DST: variants seen among roughly 807,000 people sequenced by gnomAD.
DST encodes the protein dystonin.
A neutral mutation model predicts 875.2 loss-of-function variants in DST; 253 were observed. The ratio of observed to expected loss-of-function variants is 0.29; its 90% CI spans 0.26 to 0.32. DST has a LOEUF of 0.32. Among genes scored for constraint, DST ranks in the 10% least tolerant of loss-of-function variants. The pLI, the probability that DST is intolerant of heterozygous loss-of-function variation, is 1.00. For synonymous variants in DST, 3,124 were observed against 3,197.1 expected (o/e 0.98, Z 0.77); for missense variants, 8,287 against 9,111.6 (o/e 0.91, Z 3.68).
chr6:56,550,133 C>T (rs1191302303), intron 61 of DST, among the ~76,000 whole-genome samples: 1 of 152,170 alleles, frequency 6.6e-6, no homozygotes, highest in African/African-American at 2.4e-5. Context: ...CACACATACA[C>T]AGATAAATGG....
At chr6:56,556,740 A>G (rs192590606) in intron 59 of DST, among the ~76,000 whole-genome samples, 68 of 152,176 alleles carry the variant, frequency 4.5e-4, no homozygotes, top group Admixed American at 1.0e-3. Context: ...TAAAAATAAA[A>G]CTCATTTTTT....
chr6:56,874,140 A>G (rs1373264068), intron 3 of DST, among the ~76,000 whole-genome samples: 1 of 152,130 alleles, frequency 6.6e-6, no homozygotes, highest in Non-Finnish European at 1.5e-5. Flanking sequence ...CAAAAAAACC[A>G]TGTACCCCAT....
chr6:56,761,127 G>C (rs796563952), intron 4 of DST, among the ~76,000 whole-genome samples: 5 of 152,318 alleles, frequency 3.3e-5, no homozygotes, highest in African/African-American at 1.2e-4. Flanking sequence ...CAGCACTGTG[G>C]AGAGGCCCAC....
At chr6:56,569,118 C>T (rs1447481782) in intron 54 of DST, among the ~76,000 whole-genome samples, 2 of 151,838 alleles carry the variant, frequency 1.3e-5, no homozygotes, top group African/African-American at 2.4e-5. Flanking sequence ...GTCAGGAGAT[C>T]GAGACCATCC....
intron 4 of DST, among the ~76,000 whole-genome samples, chr6:56,804,680 T>C (rs139630575): frequency 3.9e-5 from 6 of 152,038 alleles, no homozygotes; most frequent in African/African-American, 1.5e-4. Flanking sequence ...ATAACTGTAT[T>C]AAGCCAAACT....
intron 9 of DST, among the ~76,000 whole-genome samples, chr6:56,678,452 A>AT (rs2099141141): frequency 6.6e-6 from 1 of 152,214 alleles, no homozygotes; most frequent in East Asian, 1.9e-4. Context: ...AAGAAACATA[A>AT]TTTTTTCTTC....
chr6:56,924,289 T>G (rs1456519494), intron 2 of DST, among the ~76,000 whole-genome samples: 1 of 152,204 alleles, frequency 6.6e-6, no homozygotes, highest in East Asian at 1.9e-4. Context: ...AACGCAGAGT[T>G]GGAACGATAA....
At chr6:56,750,975 G>A (rs114969478) in intron 4 of DST, among the ~76,000 whole-genome samples, 2,217 of 152,120 alleles carry the variant, frequency 0.015, 47 homozygotes, top group African/African-American at 0.051. Context: ...GATGGTTATT[G>A]TTCCTCTGTT....
At chr6:56,561,283 C>T in intron 57 of DST, 25 bp downstream of exon 57, 2 of 1,587,458 alleles carry the variant, frequency 1.3e-6, no homozygotes, top group Non-Finnish European at 1.7e-6. Flanking sequence ...TTCATGTCTT[C>T]CATAGGTGCA....
intron 3 of DST, among the ~76,000 whole-genome samples, chr6:56,873,352 C>G (rs1562250864): frequency 6.6e-6 from 1 of 152,152 alleles, no homozygotes; most frequent in Non-Finnish European, 1.5e-5. Context: ...TGTGATCCCA[C>G]TTGTCAATTT....
chr6:56,615,813 C>T, intron 36 of DST: 1 of 1,614,078 alleles, frequency 6.2e-7, no homozygotes, highest in Non-Finnish European at 8.5e-7. Context: ...CATCGGATTC[C>T]CATTTCCTTA....
rs970996412 is a variant in DST at position 56,620,283 on chromosome 6, T to C, written c.4929+4247A>G. 1 of 1,614,064 alleles carries C rather than the reference T, an allele frequency of 6.2e-7. No individual in the cohort carries two copies. Among genetic ancestry groups the C allele is most frequent in the Non-Finnish European group, 8.5e-7 (1 of 1,180,048 alleles). ...TTTCTTTTAAGATGATCTTCCAGTG[T>C]TCGTCTGGTAAAGGTGTTTTCCTCC... On this transcript the variant is annotated intron_variant, in intron 36 of 103. Transcript: ENST00000680361.
At chr6:56,943,160 C>G (rs1048826817) in intron 2 of DST, among the ~76,000 whole-genome samples, 2 of 152,164 alleles carry the variant, frequency 1.3e-5, no homozygotes, top group African/African-American at 4.8e-5. Context: ...TGCCTCAAAT[C>G]TTTCCTTTTA....
intron 3 of DST, among the ~76,000 whole-genome samples, chr6:56,891,832 A>C (rs1330202759): frequency 6.6e-6 from 1 of 152,200 alleles, no homozygotes; most frequent in African/African-American, 2.4e-5. Flanking sequence ...TCAAAAAAAA[A>C]CACTCCTCAG....
At chr6:56,486,765 C>T (rs2095583594) in intron 87 of DST, among the ~76,000 whole-genome samples, 1 of 152,064 alleles carries the variant, frequency 6.6e-6, no homozygotes, top group Non-Finnish European at 1.5e-5. Context: ...ATTCCATTTA[C>T]ATTTTTAAAA....
At chr6:56,568,383 C>T in intron 55 of DST, 86 bp downstream of exon 55, 9 of 1,385,034 alleles carry the variant, frequency 6.5e-6, no homozygotes, top group Non-Finnish European at 8.9e-6. Context: ...TTATTTTATG[C>T]ATTAATTTAA....
At chr6:56,471,816 T>C (rs1427781460) in intron 94 of DST, 2 of 540,510 alleles carry the variant, frequency 3.7e-6, no homozygotes, top group African/African-American at 3.8e-5. Context: ...CAGCTTCTGA[T>C]TGTTAAAACA....
chr6:56,649,840 T>C (rs959564551), intron 12 of DST, among the ~76,000 whole-genome samples: 2 of 152,152 alleles, frequency 1.3e-5, no homozygotes, highest in Non-Finnish European at 2.9e-5. Context: ...TTGGCAACAG[T>C]GTGCCGAGGC....
chr6:56,485,330 A>T lies in DST; in HGVS notation c.21189T>A (p.Asn7063Lys). 6.2e-7 allele frequency: 1 copy of T among 1,613,794 alleles called. No homozygotes were observed. The highest frequency in any genetic ancestry group is 8.5e-7 in the Non-Finnish European group (1 of 1,179,804). Residue 7063 changes from asparagine (N) to lysine (K), a missense_variant, in exon 88 of 104, where the codon AAT becomes AAA. By Grantham distance (94) the Asn-to-Lys change is moderately conservative. Transcript: ENST00000680361. ...PVHGDIDLVM[N>K]LIDNHKAFQK... is the part of the protein sequence containing the mutation. ...ACAATACCTTGTGATTATCGATCAG[A>T]TTCATCACCAAATCAATGTCTCCAT... is the stretch of plus-strand genomic sequence containing the variant.
Sources: allele counts gnomAD v4.1 joint callset (sites outside exome capture counted in the v4.1 genomes callset), GRCh38; gene constraint gnomAD v4.1.1; transcripts MANE v1.5; gene names NCBI Gene and HGNC (gene_info 2026-07-23, HGNC 2026-07-21).